Variants in NTM observed in about 807,000 individuals in gnomAD.
NTM encodes neurotrimin.
NTM carries 13 observed loss-of-function variants against 42.1 expected under a neutral mutation model. The observed-to-expected ratio is 0.31, with a 90% CI of 0.20 to 0.49. The LOEUF (loss-of-function observed/expected upper bound fraction) is 0.49. NTM is among the 20% of genes least tolerant of loss of function. The pLI is 0.99. For missense variants in NTM, 373 were observed against 452.8 expected, an observed-to-expected ratio of 0.82 and a Z score of 1.60; for synonymous variants, 187 against 179.2, an observed-to-expected ratio of 1.04 and a Z score of -0.35.
At chr11:131,645,787 C>A (rs1455447369) in intron 1 of NTM, among the ~76,000 whole-genome samples, 3 of 152,118 alleles carry the variant, frequency 2.0e-5, no homozygotes, top group Non-Finnish European at 2.9e-5. Context: ...TCAATGGGAT[C>A]TTGGATAGGT....
At chr11:131,531,316 G>C (rs148735803) in intron 1 of NTM, among the ~76,000 whole-genome samples, 1 of 152,046 alleles carries the variant, frequency 6.6e-6, no homozygotes, top group East Asian at 1.9e-4. Flanking sequence ...TTTTTTTTGG[G>C]GGGGAGGTGG....
chr11:132,231,154 A>G (rs567531705), intron 4 of NTM, among the ~76,000 whole-genome samples: 1 of 152,364 alleles, frequency 6.6e-6, no homozygotes, highest in East Asian at 1.9e-4. Flanking sequence ...CATACTGTTT[A>G]TAGCACAGAG....
At chr11:131,418,906 G>A (rs986691062) in intron 1 of NTM, among the ~76,000 whole-genome samples, 1 of 152,142 alleles carries the variant, frequency 6.6e-6, no homozygotes, top group African/African-American at 2.4e-5. Context: ...TCAGGGTGGC[G>A]CCTCATGAAC....
chr11:131,828,053 AC>A (rs1474075228), intron 1 of NTM, among the ~76,000 whole-genome samples: 2 of 151,586 alleles, frequency 1.3e-5, no homozygotes, highest in Non-Finnish European at 2.9e-5. Context: ...CAAATATCTC[AC>A]TCAACATATA....
At chr11:131,574,887 G>T (rs1341300713) in intron 1 of NTM, among the ~76,000 whole-genome samples, 1 of 152,034 alleles carries the variant, frequency 6.6e-6, no homozygotes, top group Non-Finnish European at 1.5e-5. Context: ...TGGTGCTGAG[G>T]GGACCTTTGG....
At chr11:132,008,150 C>A (rs770394249) in intron 2 of NTM, among the ~76,000 whole-genome samples, 3 of 152,164 alleles carry the variant, frequency 2.0e-5, no homozygotes, top group African/African-American at 7.2e-5. Flanking sequence ...CTCTTGACTC[C>A]ACTGTATGGG....
chr11:132,307,948 T>C, intron 5 of NTM, 125 bp downstream of exon 5: 1 of 818,588 alleles, frequency 1.2e-6, no homozygotes. Flanking sequence ...AGCACCACTT[T>C]CCACACTCTG....
Position 132,314,654 on chromosome 11 carries a change from C to G in NTM, c.885C>G (p.Cys295Trp). The change falls in exon 7 of 9, where the codon TGC becomes TGG. Residue 295 changes from cysteine (C) to tryptophan (W), a missense_variant. Transcript: ENST00000683400. Reference protein sequence around the residue: ...VSEHDYGNYTCVASNKLGHTN... With the variant: ...VSEHDYGNYTWVASNKLGHTN... ...AACATGACTATGGGAACTACACTTG[C>G]GTGGCCTCCAACAAGCTGGGCCACA... The G allele has an allele frequency of 6.2e-7, 1 of 1,613,856 alleles. No homozygotes were observed. The highest frequency in any genetic ancestry group is 1.1e-5 in the South Asian group (1 of 90,964).
rs183568650 is a variant in NTM, at chr11:131,846,388, C to A, written c.83-65176C>A. Among the ~76,000 whole-genome samples, 433 of 151,954 alleles carry A rather than the reference C, an allele frequency of 2.8e-3. 2 individuals carry two copies. Among genetic ancestry groups the A allele is most frequent in the Middle Eastern group, 0.024 (7 of 292 alleles). On this transcript the variant is annotated intron_variant, in intron 1 of 8. Transcript: ENST00000683400. ...TTTCTTCTCGTATTTCAAATTATTC[C>A]TTTGTTTTATATATTCTTTGGGTTT...
chr11:131,660,206 C>A lies in NTM; in HGVS notation c.83-251358C>A, dbSNP rs927767884. ...AGGACTCGGGTGGGCCAGTTTGCAT[C>A]ATGTATTGAGGCAGGGGACTGAACA... On this transcript the variant is annotated intron_variant, in intron 1 of 8. Transcript: ENST00000683400. The A allele has an allele frequency of 1.4e-5, 4 of 281,352 alleles. No individual in the cohort carries two copies. The Admixed American group carries it at 1.6e-4, about 11-fold the overall frequency. The allele number at this position is 281,352 out of a possible 1,614,324, so 17.4% of individuals were successfully genotyped here.
At chr11:131,426,250 G>T (rs1948125146) in intron 1 of NTM, among the ~76,000 whole-genome samples, 1 of 152,170 alleles carries the variant, frequency 6.6e-6, no homozygotes, top group African/African-American at 2.4e-5. Flanking sequence ...GCACATCCCT[G>T]ATTCCATACA....
At chr11:132,078,687 A>C (rs150328248) in intron 2 of NTM, among the ~76,000 whole-genome samples, 44 of 152,330 alleles carry the variant, frequency 2.9e-4, no homozygotes, top group Non-Finnish European at 1.0e-4. Flanking sequence ...ACCCCAGTGC[A>C]TTCTGCCAAG....
intron 1 of NTM, among the ~76,000 whole-genome samples, chr11:131,545,796 A>G (rs2053857788): frequency 1.3e-5 from 2 of 152,190 alleles, no homozygotes; most frequent in Non-Finnish European, 1.5e-5. Context: ...CGTCAAGTAG[A>G]GGAGGGGCAG....
In NTM at chr11:132,271,503, A is replaced by T. The variant is rs552168544; in HGVS notation, c.527-36186A>T. 5.3e-4 allele frequency among the ~76,000 whole-genome samples: 81 copies of T among 152,304 alleles called. No individual in the cohort carries two copies. In the South Asian group the frequency reaches 0.014, roughly 26 times the overall value. ...TTGCAAAGTTGCTGTACCATTGTAC[A>T]TTCTCACTTTAGCATATGACTCTTC... is the stretch of plus-strand genomic sequence containing the variant. On this transcript the variant is annotated intron_variant, in intron 4 of 8. Transcript: ENST00000683400.
At chr11:131,952,882 A>G (rs971001256) in intron 2 of NTM, among the ~76,000 whole-genome samples, 1 of 152,168 alleles carries the variant, frequency 6.6e-6, no homozygotes, top group African/African-American at 2.4e-5. Flanking sequence ...ATCTATCATG[A>G]TAGGCCTTGA....
chr11:131,513,282 C>A (rs1436965689), intron 1 of NTM, among the ~76,000 whole-genome samples: 1 of 152,206 alleles, frequency 6.6e-6, no homozygotes, highest in Non-Finnish European at 1.5e-5. Flanking sequence ...AGCCTCCCTT[C>A]ACCCACAGTT....
At chr11:131,475,086 T>C (rs1952791689) in intron 1 of NTM, among the ~76,000 whole-genome samples, 1 of 152,188 alleles carries the variant, frequency 6.6e-6, no homozygotes, top group Non-Finnish European at 1.5e-5. Flanking sequence ...GAAACATCTC[T>C]CTTCCTCTTT....
intron 1 of NTM, among the ~76,000 whole-genome samples, chr11:131,785,448 T>C (rs2136047600): frequency 6.6e-6 from 1 of 152,240 alleles, no homozygotes; most frequent in East Asian, 1.9e-4. Context: ...AATTCTACAA[T>C]TGGACCCTTG....
At chr11:132,114,837 C>T (rs1591605419) in intron 2 of NTM, among the ~76,000 whole-genome samples, 1 of 152,276 alleles carries the variant, frequency 6.6e-6, no homozygotes, top group East Asian at 1.9e-4. Flanking sequence ...TTTCTTTATC[C>T]AGTCATCTGT....
Sources: allele counts gnomAD v4.1 joint callset (sites outside exome capture counted in the v4.1 genomes callset), GRCh38; gene constraint gnomAD v4.1.1; transcripts MANE v1.5; gene names NCBI Gene and HGNC (gene_info 2026-07-23, HGNC 2026-07-21).